The following RGS13 variants were observed in gnomAD, a reference collection of about 807,000 sequenced individuals.
RGS13 encodes the protein regulator of G protein signaling 13, also known as regulator of G-protein signalling 13.
A neutral mutation model predicts 19.9 loss-of-function variants in RGS13; 14 were observed. The observed-to-expected ratio is 0.70, with a 90% CI of 0.46 to 1.10. RGS13 has a LOEUF of 1.10. Among genes scored for constraint, RGS13 ranks in the 50% least tolerant of loss-of-function variants. The pLI is 0.00. For synonymous variants in RGS13, 60 were observed against 56.8 expected, an observed-to-expected ratio of 1.06 and a Z score of -0.25; for missense variants, 205 against 187.1, an observed-to-expected ratio of 1.10 and a Z score of -0.56.
chr1:192,650,825 GA>G (rs542922834), intron 5 of RGS13, among the ~76,000 whole-genome samples: 19 of 149,264 alleles, frequency 1.3e-4, no homozygotes, highest in Non-Finnish European at 2.2e-4. Context: ...ACATATGAAA[GA>G]TTTTTTTTAT....
chr1:192,649,684 G>A (rs1458939314), intron 5 of RGS13, among the ~76,000 whole-genome samples: 2 of 152,028 alleles, frequency 1.3e-5, no homozygotes, highest in African/African-American at 4.8e-5. Context: ...CTCCACCAAT[G>A]TGGGTCACTT....
At chr1:192,642,921 G>A (rs533675838) in intron 3 of RGS13, among the ~76,000 whole-genome samples, 3 of 152,032 alleles carry the variant, frequency 2.0e-5, no homozygotes, top group African/African-American at 7.2e-5. Context: ...GCACAGTGGT[G>A]CAATTACAGC....
At chr1:192,652,359 T>C (rs924519943) in intron 5 of RGS13, among the ~76,000 whole-genome samples, 1 of 152,064 alleles carries the variant, frequency 6.6e-6, no homozygotes, top group Non-Finnish European at 1.5e-5. Context: ...GCTTTTTTCA[T>C]CTGTGCAAGC....
chr1:192,655,643 T>C (rs147577023), intron 5 of RGS13, among the ~76,000 whole-genome samples: 1 of 152,128 alleles, frequency 6.6e-6, no homozygotes, highest in East Asian at 1.9e-4. Context: ...ATAATCCCCC[T>C]ACACAAAGGT....
At chr1:192,653,200 A>T (rs1029251178) in intron 5 of RGS13, among the ~76,000 whole-genome samples, 4 of 152,112 alleles carry the variant, frequency 2.6e-5, no homozygotes, top group African/African-American at 9.6e-5. Context: ...AGCAATGCAA[A>T]GAAAAAACAG....
Position 192,647,992 on chromosome 1 carries a change from G to T in RGS13, c.127+5G>T. On this transcript the variant is annotated splice_donor_5th_base_variant and intron_variant, in intron 5 of 6. Coordinates refer to ENST00000391995, the MANE Select transcript of RGS13 (RefSeq NM_002927.5). ...AAAATTTAATGGCTACAAAATGTGA[G>T]TATTGCGTATCTGTCATCTTTGAAT... 1.3e-6 allele frequency: 2 copies of T among 1,578,694 alleles called. No homozygotes were observed. The highest frequency in any genetic ancestry group is 8.7e-7 in the Non-Finnish European group (1 of 1,155,566).
At chr1:192,645,749 A>T (rs1406150387) in intron 4 of RGS13, 1 of 152,152 alleles carries the variant, frequency 6.6e-6, no homozygotes, top group Non-Finnish European at 1.5e-5. Flanking sequence ...ACCTCCAAAA[A>T]AAATTATAAG....
intron 5 of RGS13, among the ~76,000 whole-genome samples, chr1:192,653,497 G>C (rs1431119751): frequency 2.0e-5 from 3 of 151,968 alleles, no homozygotes; most frequent in Admixed American, 2.0e-4. Context: ...TAAGAAAATA[G>C]AGGTGAAAAA....
At chr1:192,657,392 C>T (rs1276376574) in intron 5 of RGS13, among the ~76,000 whole-genome samples, 1 of 152,110 alleles carries the variant, frequency 6.6e-6, no homozygotes. Flanking sequence ...CTCACCTAAT[C>T]CTCTTTTTCA....
rs962963361 is a variant in RGS13 at position 192,659,452 on chromosome 1, T to C, written c.409T>C (p.Tyr137His). 1.9e-6 allele frequency: 3 copies of C among 1,612,886 alleles called. No homozygotes were observed. The highest frequency in any genetic ancestry group is 2.5e-6 in the Non-Finnish European group (3 of 1,179,424). ...CTATATGCATATGGAAAGGGATTCC[T>C]ACCCCAGATTTCTAAAGTCAGAAAT... ...IVYMHMERDS[Y>H]PRFLKSEMYQ... Residue 137 changes from tyrosine (Y) to histidine (H), a missense_variant, in exon 7 of 7, where the codon TAC (tyrosine) becomes CAC (histidine). Coordinates refer to ENST00000391995, the MANE Select transcript of RGS13 (RefSeq NM_002927.5).
intron 5 of RGS13, among the ~76,000 whole-genome samples, chr1:192,657,098 A>G (rs1428275686): frequency 2.0e-5 from 3 of 152,194 alleles, no homozygotes; most frequent in Non-Finnish European, 2.9e-5. Flanking sequence ...TCTTGGGTGT[A>G]TACTTATCTC....
At position 192,658,454 on chromosome 1, in the gene RGS13, C is replaced by A. The variant is rs1663488398; in HGVS notation, c.294+87C>A. The A allele has an allele frequency of 9.7e-6, 12 of 1,237,802 alleles. 1 individual carries two copies. The South Asian group carries it at 1.8e-4, about 18-fold the overall frequency. The allele number at this position is 1,237,802 out of a possible 1,614,324, so 76.7% of individuals were successfully genotyped here. On this transcript the variant is annotated intron_variant, in intron 6 of 6. Coordinates refer to ENST00000391995, the MANE Select transcript of RGS13 (RefSeq NM_002927.5). Reference sequence around the variant, plus strand: ...GTCAAGCATCCATAAGTGCCAGGCACTTTACATCCAGTATCTCCTAAAATG... The same window carrying A: ...GTCAAGCATCCATAAGTGCCAGGCAATTTACATCCAGTATCTCCTAAAATG...
chr1:192,655,553 T>C (rs552144681), intron 5 of RGS13, among the ~76,000 whole-genome samples: 4 of 152,154 alleles, frequency 2.6e-5, no homozygotes, highest in African/African-American at 9.6e-5. Context: ...TGCTTGAACG[T>C]GTCCATAGCA....
intron 6 of RGS13, 126 bp from the exon 7 acceptor site, chr1:192,659,212 A>G: frequency 1.7e-6 from 1 of 588,430 alleles, no homozygotes; most frequent in Non-Finnish European, 2.8e-6. Context: ...ATGCCTATAA[A>G]ACTACAAAGA....
At chr1:192,636,550 A>G (rs562281961) in intron 1 of RGS13, among the ~76,000 whole-genome samples, 62 of 152,148 alleles carry the variant, frequency 4.1e-4, no homozygotes, top group African/African-American at 1.3e-3. Context: ...GCAACAGAGG[A>G]AATGCTACAG....
intron 4 of RGS13, chr1:192,646,861 A>G (rs1323130682): frequency 6.6e-6 from 1 of 152,190 alleles, no homozygotes; most frequent in Non-Finnish European, 1.5e-5. Context: ...ATAGTATTCC[A>G]TGGTGTATAA....
rs1396604405 is a variant in RGS13 at position 192,644,932 on chromosome 1, AAAGTTG to A, written c.65+535_65+540del. ...ATTTCCTCACCTGAAAGAATTCCCA[AAAGTTG>A]AGAACCCCTGTTAGATTAACCATGA... On this transcript the variant is annotated intron_variant, in intron 4 of 6. Transcript: ENST00000391995. 7.5e-3 allele frequency: 1,150 copies of A among 152,936 alleles called. 43 individuals are homozygous for A. Among genetic ancestry groups the A allele is most frequent in the Admixed American group, 0.059 (909 of 15,300 alleles). The allele number at this position is 152,936 out of a possible 1,614,324, so 9.5% of individuals were successfully genotyped here. A position where few individuals can be genotyped will look rare whatever the true frequency, so the allele number is the denominator to read the frequency against.
chr1:192,647,192 G>A (rs189262230), intron 4 of RGS13: 3 of 152,190 alleles, frequency 2.0e-5, no homozygotes, highest in East Asian at 1.9e-4. Context: ...TGGTGGCAGC[G>A]GCAAACAGTG....
chr1:192,653,742 G>T (rs1663384817), intron 5 of RGS13, among the ~76,000 whole-genome samples: 1 of 152,088 alleles, frequency 6.6e-6, no homozygotes, highest in Non-Finnish European at 1.5e-5. Flanking sequence ...TCATTCCAGT[G>T]TGTATCTGTG....
Sources: gnomAD v4.1 joint callset for allele counts (sites outside exome capture counted in the v4.1 genomes callset) on GRCh38, gnomAD v4.1.1 for gene constraint, MANE v1.5 for transcripts, NCBI Gene and HGNC (gene_info 2026-07-23, HGNC 2026-07-21) for gene names.